Variants in ASCC3 observed in about 807,000 individuals in gnomAD.
The protein encoded by ASCC3 is ASC-1 complex subunit P200.
A neutral mutation model predicts 256.3 loss-of-function variants in ASCC3; 158 were observed. The ratio of observed to expected loss-of-function variants is 0.62; its 90% CI spans 0.54 to 0.70. The LOEUF is 0.70. ASCC3 is among the 30% of genes least tolerant of loss of function. The pLI, the probability that ASCC3 is intolerant of heterozygous loss-of-function variation, is 0.00. For synonymous variants in ASCC3, 948 were observed against 883.4 expected (o/e 1.07, Z -1.30); for missense variants, 2,259 against 2,626.0 (o/e 0.86, Z 3.05).
intron 10 of ASCC3, 67 bp from the exon 11 acceptor site, chr6:100,725,770 T>C: frequency 6.4e-7 from 1 of 1,572,396 alleles, no homozygotes; most frequent in Non-Finnish European, 8.7e-7. Context: ...ACTGTGATAC[T>C]CAGAAAGAAA....
intron 36 of ASCC3, among the ~76,000 whole-genome samples, chr6:100,549,886 G>C (rs1254255250): frequency 6.6e-6 from 1 of 151,910 alleles, no homozygotes; most frequent in Non-Finnish European, 1.5e-5. Flanking sequence ...ATTTGTTCTA[G>C]GCTTAGAACA....
At chr6:100,633,590 G>T (rs531772558) in intron 25 of ASCC3, among the ~76,000 whole-genome samples, 55 of 151,946 alleles carry the variant, frequency 3.6e-4, no homozygotes, top group African/African-American at 9.2e-4. Context: ...GCCAGGCTGG[G>T]TGCGGTTGCT....
intron 16 of ASCC3, among the ~76,000 whole-genome samples, chr6:100,661,402 A>G (rs1253305174): frequency 6.6e-6 from 1 of 151,258 alleles, no homozygotes; most frequent in Non-Finnish European, 1.5e-5. Flanking sequence ...TGTGTATAAC[A>G]AAGTTAATCA....
chr6:100,566,109 A>T (rs1255678677), intron 36 of ASCC3, among the ~76,000 whole-genome samples: 1 of 152,214 alleles, frequency 6.6e-6, no homozygotes, highest in Non-Finnish European at 1.5e-5. Context: ...ACCAAAACAC[A>T]GCACAACACA....
intron 1 of ASCC3, among the ~76,000 whole-genome samples, chr6:100,877,669 A>G (rs1769049935): frequency 6.6e-6 from 1 of 152,192 alleles, no homozygotes; most frequent in African/African-American, 2.4e-5. Flanking sequence ...TCTTGAATCT[A>G]CCAAACACTG....
chr6:100,847,142 T>A (rs1216787423), intron 4 of ASCC3, among the ~76,000 whole-genome samples: 1 of 152,140 alleles, frequency 6.6e-6, no homozygotes, highest in Non-Finnish European at 1.5e-5. Flanking sequence ...AAGTAATGGT[T>A]TTATGGCTTA....
intron 13 of ASCC3, among the ~76,000 whole-genome samples, chr6:100,696,377 T>C (rs933168612): frequency 3.3e-5 from 5 of 152,126 alleles, no homozygotes; most frequent in African/African-American, 4.8e-5. Flanking sequence ...TCAGATTTCG[T>C]TGGCACATAA....
At chr6:100,530,569 C>CCAGCATT in intron 37 of ASCC3, 1 of 785,698 alleles carries the variant, frequency 1.3e-6, no homozygotes, top group South Asian at 1.3e-5. Flanking sequence ...CTCAATCCAG[C>CCAGCATT]CAGCATTAGT....
intron 3 of ASCC3, chr6:100,859,086 T>G (rs770543542): frequency 1.3e-6 from 1 of 779,118 alleles, no homozygotes; most frequent in Non-Finnish European, 2.4e-6. Flanking sequence ...ATTTCTTCTT[T>G]TGTCCATTTT....
intron 34 of ASCC3, among the ~76,000 whole-genome samples, chr6:100,601,275 A>G (rs538662289): frequency 6.6e-6 from 1 of 152,206 alleles, no homozygotes; most frequent in East Asian, 1.9e-4. Context: ...GCCCTTAAAA[A>G]ACAGGGAGTC....
chr6:100,607,675 C>T (rs959793824), intron 30 of ASCC3, among the ~76,000 whole-genome samples: 2 of 151,652 alleles, frequency 1.3e-5, no homozygotes, highest in Non-Finnish European at 2.9e-5. Flanking sequence ...ATAGTAAATA[C>T]TATTATTCAT....
chr6:100,720,419 C>T (rs1779272125), intron 11 of ASCC3, among the ~76,000 whole-genome samples: 1 of 151,790 alleles, frequency 6.6e-6, no homozygotes, highest in Non-Finnish European at 1.5e-5. Context: ...AGTAAATTTT[C>T]CATAGATGGA....
At chr6:100,872,688 A>T (rs1457533916) in intron 1 of ASCC3, among the ~76,000 whole-genome samples, 1 of 152,074 alleles carries the variant, frequency 6.6e-6, no homozygotes, top group African/African-American at 2.4e-5. Context: ...TGACTGAGAG[A>T]CCCACAGACG....
chr6:100,607,579 C>T (rs1187140094), intron 30 of ASCC3, among the ~76,000 whole-genome samples: 1 of 151,924 alleles, frequency 6.6e-6, no homozygotes, highest in African/African-American at 2.4e-5. Context: ...AGTCACACAA[C>T]CTCACTAAGC....
At chr6:100,562,198 T>G (rs1000159749) in intron 36 of ASCC3, among the ~76,000 whole-genome samples, 1 of 152,074 alleles carries the variant, frequency 6.6e-6, no homozygotes, top group Non-Finnish European at 1.5e-5. Flanking sequence ...AATACAGATG[T>G]GTGAATAATA....
intron 13 of ASCC3, among the ~76,000 whole-genome samples, chr6:100,704,138 G>A (rs1282944259): frequency 1.3e-5 from 2 of 151,522 alleles, no homozygotes; most frequent in Non-Finnish European, 3.0e-5. Flanking sequence ...AAAAGTAGAC[G>A]TTTAGAAAAT....
At chr6:100,669,622 C>A in intron 14 of ASCC3, among the ~76,000 whole-genome samples, 1 of 151,594 alleles carries the variant, frequency 6.6e-6, no homozygotes, top group South Asian at 2.1e-4. Context: ...GAAAATTTAT[C>A]CAGGAGAAAT....
At chr6:100,566,618 T>A (rs1770264154) in intron 36 of ASCC3, among the ~76,000 whole-genome samples, 1 of 152,212 alleles carries the variant, frequency 6.6e-6, no homozygotes, top group Non-Finnish European at 1.5e-5. Context: ...GGATAAATTG[T>A]CTCTACTTGT....
chr6:100,545,925 A>G (rs1371863394), intron 36 of ASCC3, among the ~76,000 whole-genome samples: 1 of 152,146 alleles, frequency 6.6e-6, no homozygotes, highest in Non-Finnish European at 1.5e-5. Context: ...GGTTCTAGCC[A>G]GTACAATCAG....
Sources: gnomAD v4.1 joint callset for allele counts (sites outside exome capture counted in the v4.1 genomes callset) on GRCh38, gnomAD v4.1.1 for gene constraint, MANE v1.5 for transcripts, NCBI Gene and HGNC (gene_info 2026-07-23, HGNC 2026-07-21) for gene names.